Variants in CAPZB observed in about 807,000 individuals in gnomAD.
CAPZB encodes capping actin protein of muscle Z-line subunit beta.
CAPZB carries 2 observed loss-of-function variants against 38.1 expected under a neutral mutation model. The observed-to-expected ratio is 0.05, with a 90% CI of 0.02 to 0.17. The LOEUF (loss-of-function observed/expected upper bound fraction) is 0.17, where lower values mean the gene tolerates loss of function less well. Among genes scored for constraint, CAPZB ranks in the 10% least tolerant of loss-of-function variants. The pLI, the probability that CAPZB is intolerant of heterozygous loss-of-function variation, is 1.00. For synonymous variants in CAPZB, 107 were observed against 127.4 expected, an observed-to-expected ratio of 0.84 and a Z score of 1.08; for missense variants, 161 against 334.2, an observed-to-expected ratio of 0.48 and a Z score of 4.04.
At chr1:19,456,375 A>G (rs1205838716) in intron 1 of CAPZB, among the ~76,000 whole-genome samples, 2 of 152,250 alleles carry the variant, frequency 1.3e-5, no homozygotes, top group East Asian at 3.8e-4. Flanking sequence ...AATCCAAGCC[A>G]GGATCAGGTA....
chr1:19,404,257 A>T (rs75536452), intron 2 of CAPZB, among the ~76,000 whole-genome samples: 3,093 of 118,424 alleles, frequency 0.026, 210 homozygotes, highest in Admixed American at 0.14. Flanking sequence ...AAAAAAAAAA[A>T]ATATGGCTGG....
intron 1 of CAPZB, among the ~76,000 whole-genome samples, chr1:19,444,897 T>C (rs923692654): frequency 6.6e-6 from 1 of 152,030 alleles, no homozygotes; most frequent in African/African-American, 2.4e-5. Flanking sequence ...CGCCTGCCAC[T>C]ACACCCAGCT....
In CAPZB at chr1:19,398,866, A is replaced by G. The variant is rs1421773722; in HGVS notation, c.94-13240T>C. Among the ~76,000 whole-genome samples the G allele has an allele frequency of 2.2e-5, 3 of 139,088 alleles. No individual in the cohort carries two copies. The East Asian group carries it at 6.3e-4, about 29-fold the overall frequency. The allele number at this position is 139,088 out of a possible 152,430, so 91.2% of individuals were successfully genotyped here. ...ACAGCGTGGGATGCCGAATGCTGAT[A>G]GCTGCACAACTCTTTTTTTTTTTTT... is the stretch of plus-strand genomic sequence containing the variant. On this transcript the variant is annotated intron_variant, in intron 2 of 8. Coordinates refer to ENST00000264202, the MANE Select transcript of CAPZB (RefSeq NM_004930.5).
chr1:19,356,540 C>T lies in CAPZB; in HGVS notation c.588+95G>A, dbSNP rs1197417691. ...ATTTATAGCTGGCTGAACATGCTTA[C>T]CCTAAATGGGGCACCTGCTCACTCA... On this transcript the variant is annotated intron_variant, in intron 6 of 8. Coordinates refer to ENST00000264202, the MANE Select transcript of CAPZB (RefSeq NM_004930.5). This position sits in a 1 kb window ranked among gnomAD's most constrained non-coding sequence, Gnocchi z 4.3. 1 of 822,684 alleles carries T rather than the reference C, an allele frequency of 1.2e-6. No individual in the cohort carries two copies. The allele number at this position is 822,684 out of a possible 1,614,324, so 51.0% of individuals were successfully genotyped here.
rs575009446 is a variant in CAPZB, at chr1:19,478,745, T to G, written c.3+6691A>C. Among the ~76,000 whole-genome samples, 19 of 152,340 alleles carry G rather than the reference T, an allele frequency of 1.2e-4. 1 individual carries two copies. The highest frequency in any genetic ancestry group is 3.8e-4 in the African/African-American group (16 of 41,568). On this transcript the variant is annotated intron_variant, in intron 1 of 8. Transcript: ENST00000264202. ...GCATATTCTATTAGGTCTACCTGAC[T>G]GCTCAGTAGACATCCACGGAATGAA... is the stretch of plus-strand genomic sequence containing the variant.
Position 19,357,443 on chromosome 1 carries a change from G to A in CAPZB, c.450C>T (p.Ser150=), listed in dbSNP as rs2094028010. 1 of 1,613,872 alleles carries A rather than the reference G, an allele frequency of 6.2e-7. No homozygotes were observed. Among genetic ancestry groups the A allele is most frequent in the African/African-American group, 1.3e-5 (1 of 74,914 alleles). ...GTACCTGCACTTCTACCACGTGGAT[G>A]GAATCCCAGCAGCCTTTGATCTTCT... is the stretch of plus-strand genomic sequence containing the variant. The part of the protein sequence containing the change: ...GSKKIKGCWD[S]IHVVEVQEKS... The change falls in exon 5 of 9, where the codon TCC becomes TCT. Residue 150 remains serine, a synonymous_variant. Transcript: ENST00000264202. This position sits in a 1 kb window ranked among gnomAD's most constrained non-coding sequence, Gnocchi z 4.3.
chr1:19,481,595 C>G (rs2094628789), intron 1 of CAPZB, among the ~76,000 whole-genome samples: 1 of 152,194 alleles, frequency 6.6e-6, no homozygotes, highest in Non-Finnish European at 1.5e-5. Flanking sequence ...CCGGGTTGGA[C>G]AGGCTGGACA....
intron 1 of CAPZB, among the ~76,000 whole-genome samples, chr1:19,482,334 G>A (rs4912106): frequency 0.98 from 149,720 of 152,366 alleles, 73,597 homozygotes; most frequent in Middle Eastern, 1. Context: ...TGAACAATGT[G>A]TCTTATCCAC....
At chr1:19,347,499 C>T (rs951977817) in intron 6 of CAPZB, among the ~76,000 whole-genome samples, 1 of 152,196 alleles carries the variant, frequency 6.6e-6, no homozygotes, top group Non-Finnish European at 1.5e-5. Context: ...CCACCCACTC[C>T]CCTCCACACC....
intron 6 of CAPZB, among the ~76,000 whole-genome samples, chr1:19,353,376 G>A (rs1290455789): frequency 3.9e-5 from 6 of 152,252 alleles, no homozygotes; most frequent in South Asian, 4.1e-4. Flanking sequence ...GGAGGAACTC[G>A]AGTGAGGGGC....
chr1:19,446,939 G>A (rs1546263), intron 1 of CAPZB, among the ~76,000 whole-genome samples: 24,442 of 152,120 alleles, frequency 0.16, 2,299 homozygotes, highest in South Asian at 0.24. Flanking sequence ...CACGCCAACT[G>A]GATTTTGTCA....
rs546898079 is a variant in CAPZB at position 19,470,596 on chromosome 1, G to A, written c.3+14840C>T. On this transcript the variant is annotated intron_variant, in intron 1 of 8. Transcript: ENST00000264202. ...GTAGAATCTAGATTCTAGAGTGTTA[G>A]ACATAGGACCTGATCCCAGTGCTCC... Among the ~76,000 whole-genome samples the A allele has an allele frequency of 5.3e-4, 80 of 152,320 alleles. 1 individual carries two copies. The highest frequency in any genetic ancestry group is 9.0e-4 in the Non-Finnish European group (61 of 68,020).
chr1:19,376,891 T>G (rs1447966925), intron 4 of CAPZB, among the ~76,000 whole-genome samples: 1 of 152,196 alleles, frequency 6.6e-6, no homozygotes, highest in Non-Finnish European at 1.5e-5. Flanking sequence ...CACCACTTAC[T>G]AGCTCTGTGA....
At chr1:19,469,170 GC>G (rs2094578238) in intron 1 of CAPZB, among the ~76,000 whole-genome samples, 2 of 152,200 alleles carry the variant, frequency 1.3e-5, no homozygotes, top group African/African-American at 4.8e-5. Context: ...ATAGGGCCAA[GC>G]CCTGAAAGGT....
chr1:19,432,084 G>A (rs913575992), intron 1 of CAPZB, among the ~76,000 whole-genome samples: 30 of 148,748 alleles, frequency 2.0e-4, no homozygotes, highest in Non-Finnish European at 1.0e-4. Flanking sequence ...AAGAAAATAC[G>A]CTTTGACTCT....
chr1:19,468,506 G>A (rs1284701297), intron 1 of CAPZB, among the ~76,000 whole-genome samples: 1 of 152,124 alleles, frequency 6.6e-6, no homozygotes, highest in African/African-American at 2.4e-5. Context: ...GGTTGGGGGT[G>A]GAGTCGTGAA....
chr1:19,361,822 A>G lies in CAPZB; in HGVS notation c.330-4259T>C, dbSNP rs149143670. Reference sequence around the variant, plus strand: ...GCCCGCCAGAATTAACAGCACATACATGGAAGCAGTTTAACTGGTCTTTGT... The same window carrying G: ...GCCCGCCAGAATTAACAGCACATACGTGGAAGCAGTTTAACTGGTCTTTGT... On this transcript the variant is annotated intron_variant, in intron 4 of 8. Coordinates refer to ENST00000264202, the MANE Select transcript of CAPZB (RefSeq NM_004930.5). Among the ~76,000 whole-genome samples, 16 of 152,360 alleles carry G rather than the reference A, an allele frequency of 1.1e-4. No homozygotes were observed. The East Asian group carries it at 2.7e-3, about 26-fold the overall frequency.
chr1:19,484,429 T>C, intron 1 of CAPZB: 7 of 1,515,110 alleles, frequency 4.6e-6, no homozygotes, highest in Non-Finnish European at 6.2e-6. Context: ...GACCCCGGCC[T>C]GCCCTGCAGA....
At chr1:19,341,806 C>G (rs975798661) in intron 8 of CAPZB, among the ~76,000 whole-genome samples, 1 of 152,234 alleles carries the variant, frequency 6.6e-6, no homozygotes, top group African/African-American at 2.4e-5. Context: ...GACTGGTGCA[C>G]TTAAGTCCCA....
Sources: gnomAD v4.1 joint callset for allele counts (sites outside exome capture counted in the v4.1 genomes callset) on GRCh38, gnomAD v4.1.1 for gene constraint, Gnocchi (gnomAD v3.1) non-coding constraint, MANE v1.5 for transcripts, NCBI Gene and HGNC (gene_info 2026-07-23, HGNC 2026-07-21) for gene names.